Variants in MAOA observed in about 807,000 individuals in gnomAD.
MAOA encodes the protein monoamine oxidase A, also known as amine oxidase [flavin-containing] A.
In MAOA, 6 loss-of-function variants were observed where a neutral mutation model predicts 42.0. That is an observed-to-expected ratio of 0.14 (90% CI 0.08 to 0.28). The LOEUF is 0.28. MAOA is among the 10% of genes least tolerant of loss of function. The pLI is 1.00. For missense variants in MAOA, 262 were observed against 422.3 expected (o/e 0.62, Z 3.33); for synonymous variants, 140 against 154.0 (o/e 0.91, Z 0.67).
intron 3 of MAOA, among the ~76,000 whole-genome samples, chrX:43,699,354 ATTTT>A (rs66493247): frequency 3.3e-5 from 3 of 91,702 alleles, no homozygotes; most frequent in Non-Finnish European, 2.2e-5. Context: ...GTTGGATTCC[ATTTT>A]TTTTTTTTTT....
chrX:43,683,126 A>C (rs988726754), intron 1 of MAOA, among the ~76,000 whole-genome samples: 1 of 111,792 alleles, frequency 8.9e-6, no homozygotes, highest in African/African-American at 3.3e-5. Context: ...TAGCTAGAGG[A>C]AGTTTTAAAG....
At position 43,724,450 on chromosome X, in the gene MAOA, T is replaced by C. The variant is rs183380006; in HGVS notation, c.504-3723T>C. On this transcript the variant is annotated intron_variant, in intron 5 of 14. Transcript: ENST00000338702. ...GGAATTTATCCATTTCTTCTAGATT[T>C]TCTAGTTTATTTGCATAGAGGTGTT... Among the ~76,000 whole-genome samples the C allele has an allele frequency of 1.6e-3, 180 of 112,318 alleles. 1 individual carries two copies. Among genetic ancestry groups the C allele is most frequent in the African/African-American group, 5.8e-3 (178 of 30,953 alleles).
chrX:43,707,059 C>A (rs1369456400), intron 3 of MAOA, among the ~76,000 whole-genome samples: 1 of 111,419 alleles, frequency 9.0e-6, no homozygotes, highest in Admixed American at 9.6e-5. Flanking sequence ...AAACATGGAG[C>A]AGAGGCATGA....
chrX:43,714,495 G>A (rs1038290384), intron 5 of MAOA, among the ~76,000 whole-genome samples: 1 of 110,756 alleles, frequency 9.0e-6, no homozygotes, highest in African/African-American at 3.3e-5. Context: ...CAAAGGGAAG[G>A]CAGGAAAGAT....
chrX:43,718,434 G>T (rs2033762290), intron 5 of MAOA, among the ~76,000 whole-genome samples: 1 of 102,365 alleles, frequency 9.8e-6, no homozygotes, highest in Admixed American at 1.1e-4. Flanking sequence ...GATTAGTGTT[G>T]GGGGGGTTAT....
chrX:43,665,634 C>G (rs1004094027), intron 1 of MAOA, among the ~76,000 whole-genome samples: 1 of 111,661 alleles, frequency 9.0e-6, no homozygotes, highest in Admixed American at 9.6e-5. Flanking sequence ...GTCTAGACAA[C>G]CAGTCTGTTG....
At chrX:43,730,487 C>CTTTTTTT (rs1232538202) in intron 6 of MAOA, among the ~76,000 whole-genome samples, 1 of 84,790 alleles carries the variant, frequency 1.2e-5, no homozygotes, top group Non-Finnish European at 2.3e-5. Context: ...TATTCCGAAT[C>CTTTTTTT]TTTTTTTTTT....
intron 8 of MAOA, among the ~76,000 whole-genome samples, chrX:43,732,328 G>A (rs754354915): frequency 8.9e-6 from 1 of 111,863 alleles, no homozygotes; most frequent in Admixed American, 9.5e-5. Context: ...CTGTTGATAA[G>A]CATTCTGGTT....
intron 1 of MAOA, among the ~76,000 whole-genome samples, chrX:43,677,994 C>G (rs2033414414): frequency 8.9e-6 from 1 of 111,844 alleles, no homozygotes; most frequent in Non-Finnish European, 1.9e-5. Context: ...GCCCAGTGGT[C>G]TTTTACCAAG....
chrX:43,743,902 G>T lies in MAOA; in HGVS notation c.1371G>T (p.Arg457Ser). 1 of 1,169,311 alleles carries T rather than the reference G, an allele frequency of 8.6e-7. No individual in the cohort carries two copies. Among genetic ancestry groups the T allele is most frequent in the Non-Finnish European group, 1.1e-6 (1 of 873,885 alleles). ...TTGAGGCTGGAGAACGAGCAGCTAG[G>T]GAGGTAAGCAGGAAAGCCCAGGCTC... Reference protein sequence around the residue: ...GAVEAGERAAREVLNGLGKVT... With the variant: ...GAVEAGERAASEVLNGLGKVT... Residue 457 changes from arginine to serine, a missense_variant, in exon 13 of 15, where the codon AGG becomes AGT. Arg to Ser is a moderately radical substitution (Grantham distance 110, BLOSUM62 -1). Around this residue, in one of 3 missense-constraint regions of MAOA, gnomAD observed 86 missense variants for 190.3 expected, o/e 0.45. Transcript: ENST00000338702.
At chrX:43,743,619 C>A in intron 12 of MAOA, 175 bp from the exon 13 acceptor site, 1 of 508,641 alleles carries the variant, frequency 2.0e-6, no homozygotes, top group Admixed American at 2.8e-5. Context: ...TTCAGATCCT[C>A]TATGCAGATC....
At chrX:43,702,887 G>C (rs757139513) in intron 3 of MAOA, among the ~76,000 whole-genome samples, 1 of 110,586 alleles carries the variant, frequency 9.0e-6, no homozygotes, top group Non-Finnish European at 1.9e-5. Context: ...AAAAAATCAG[G>C]CTTCAGAGAC....
intron 1 of MAOA, among the ~76,000 whole-genome samples, chrX:43,675,220 C>T (rs780500310): frequency 1.4e-3 from 157 of 111,937 alleles, no homozygotes; most frequent in African/African-American, 4.8e-3. Context: ...CCCTTTCTTC[C>T]AGCTGATCGC....
At chrX:43,726,438 A>G (rs888809376) in intron 5 of MAOA, among the ~76,000 whole-genome samples, 1 of 111,648 alleles carries the variant, frequency 9.0e-6, no homozygotes. Flanking sequence ...TCAATTACTG[A>G]TATCCTTTCC....
At position 43,712,746 on chromosome X, in the gene MAOA, A is replaced by G. The variant is rs2033709051; in HGVS notation, c.453A>G (p.Lys151=). 1.2e-5 allele frequency: 14 copies of G among 1,208,217 alleles called. No homozygotes were observed. Among genetic ancestry groups the G allele is most frequent in the Non-Finnish European group, 1.6e-5 (14 of 893,719 alleles). ...CCTGGGAGGCTCAACATGCTGACAA[A>G]TGGGACAAAATGACCATGAAAGAGC... ...DAPWEAQHAD[K]WDKMTMKELI... The change falls in exon 5 of 15, where the codon AAA becomes AAG. Residue 151 remains lysine, a synonymous_variant. Transcript: ENST00000338702.
intron 2 of MAOA, among the ~76,000 whole-genome samples, chrX:43,684,874 C>CTTTTTTTTTTTT (rs201207592): frequency 3.4e-5 from 2 of 59,636 alleles, no homozygotes; most frequent in African/African-American, 5.8e-5. Context: ...CTTTTCTTTT[C>CTTTTTTTTTTTT]TTTTTTTTTT....
At chrX:43,694,905 A>G (rs2033564470) in intron 3 of MAOA, among the ~76,000 whole-genome samples, 1 of 112,100 alleles carries the variant, frequency 8.9e-6, no homozygotes. Context: ...TAAGATTCAG[A>G]GGCTGAGAGG....
chrX:43,690,745 C>CTT (rs35235270), intron 2 of MAOA, among the ~76,000 whole-genome samples: 4 of 109,065 alleles, frequency 3.7e-5, no homozygotes, highest in Non-Finnish European at 5.7e-5. Context: ...TAAAGATAAG[C>CTT]TTTTTTTTTC....
At chrX:43,735,274 A>C (rs1226893111) in intron 9 of MAOA, among the ~76,000 whole-genome samples, 1 of 112,115 alleles carries the variant, frequency 8.9e-6, no homozygotes, top group Non-Finnish European at 1.9e-5. Flanking sequence ...CAAATTTAAA[A>C]ATTTTTTAAT....
Sources: gnomAD v4.1 joint callset for allele counts (sites outside exome capture counted in the v4.1 genomes callset) on GRCh38, gnomAD v4.1.1 for gene constraint, gnomAD v4.1.1 regional missense constraint, MANE v1.5 for transcripts, NCBI Gene and HGNC (gene_info 2026-07-23, HGNC 2026-07-21) for gene names.